Variants in SKAP1 observed in about 807,000 individuals in gnomAD.
SKAP1 encodes the protein src kinase associated phosphoprotein 1.
A neutral mutation model predicts 58.5 loss-of-function variants in SKAP1; 44 were observed. That is an observed-to-expected ratio of 0.75 (90% confidence interval 0.59 to 0.97). The LOEUF is 0.97. Ranked by LOEUF, SKAP1 falls within the 50% of genes least tolerant of loss-of-function variation. The probability of loss-of-function intolerance (pLI) is 0.00; values close to 1 mark genes in which losing one functional copy is unlikely to be tolerated. For missense variants in SKAP1, 390 were observed against 435.2 expected, an observed-to-expected ratio of 0.90 and a Z score of 0.92; for synonymous variants, 127 against 149.7, an observed-to-expected ratio of 0.85 and a Z score of 1.11.
intron 1 of SKAP1, among the ~76,000 whole-genome samples, chr17:48,399,971 A>C (rs1049831285): frequency 1.1e-4 from 17 of 152,206 alleles, no homozygotes; most frequent in African/African-American, 3.1e-4. Flanking sequence ...TTCTATTTGC[A>C]GATGACATCC....
At chr17:48,333,071 C>T (rs893419294) in intron 4 of SKAP1, among the ~76,000 whole-genome samples, 2 of 152,054 alleles carry the variant, frequency 1.3e-5, no homozygotes, top group Non-Finnish European at 2.9e-5. Flanking sequence ...CATTGCCAGA[C>T]CAGGACCTCT....
intron 4 of SKAP1, among the ~76,000 whole-genome samples, chr17:48,283,344 A>T (rs1193545315): frequency 2.0e-5 from 3 of 152,248 alleles, no homozygotes; most frequent in Non-Finnish European, 4.4e-5. Context: ...ATTTAGATGC[A>T]TATATCATTA....
chr17:48,318,009 A>T (rs1479375637), intron 4 of SKAP1, among the ~76,000 whole-genome samples: 2 of 152,240 alleles, frequency 1.3e-5, no homozygotes, highest in East Asian at 3.8e-4. Context: ...GTAATACTGT[A>T]AAAAGACTTA....
chr17:48,405,527 A>C (rs2144563547), intron 1 of SKAP1, among the ~76,000 whole-genome samples: 1 of 125,300 alleles, frequency 8.0e-6, no homozygotes, highest in East Asian at 2.3e-4. Context: ...TTTGAGACAG[A>C]GTTTCACTCT....
At chr17:48,379,084 A>G (rs561978211) in intron 2 of SKAP1, among the ~76,000 whole-genome samples, 4 of 152,256 alleles carry the variant, frequency 2.6e-5, no homozygotes, top group Non-Finnish European at 5.9e-5. Context: ...GATGAAAAAG[A>G]AGAGAGACAA....
At chr17:48,301,902 G>T (rs2066062591) in intron 4 of SKAP1, among the ~76,000 whole-genome samples, 1 of 152,056 alleles carries the variant, frequency 6.6e-6, no homozygotes, top group African/African-American at 2.4e-5. Context: ...TCTTTAATGA[G>T]CTTACAGAAA....
chr17:48,400,289 G>C (rs2067481918), intron 1 of SKAP1, among the ~76,000 whole-genome samples: 1 of 151,808 alleles, frequency 6.6e-6, no homozygotes, highest in African/African-American at 2.4e-5. Flanking sequence ...AGTAGAGACA[G>C]GGTTTCTCCT....
intron 4 of SKAP1, among the ~76,000 whole-genome samples, chr17:48,261,257 G>A (rs1217875797): frequency 3.3e-5 from 5 of 152,140 alleles, no homozygotes; most frequent in African/African-American, 1.2e-4. Flanking sequence ...ATGCTTTAAT[G>A]CTGTGGACAG....
intron 4 of SKAP1, chr17:48,193,674 A>G (rs1340018466): frequency 4.1e-5 from 40 of 984,716 alleles, no homozygotes; most frequent in Non-Finnish European, 4.7e-5. Context: ...GTGTCAGCGC[A>G]GGGTCCTACT....
At chr17:48,283,445 GACCTGGGGCAAGTTATTTA>G (rs2144043000) in intron 4 of SKAP1, among the ~76,000 whole-genome samples, 1 of 152,284 alleles carries the variant, frequency 6.6e-6, no homozygotes, top group African/African-American at 2.4e-5. Context: ...CTTGGTCTGT[GACCTGGGGCAAGTTATTTA>G]ACCCTTTCAG....
intron 4 of SKAP1, among the ~76,000 whole-genome samples, chr17:48,254,661 G>A (rs767821600): frequency 1.3e-5 from 2 of 149,000 alleles, no homozygotes; most frequent in African/African-American, 2.5e-5. Context: ...TTTACTGAAC[G>A]CCTACTAGAT....
intron 3 of SKAP1, among the ~76,000 whole-genome samples, chr17:48,353,995 G>T (rs538809351): frequency 3.9e-5 from 6 of 151,948 alleles, no homozygotes; most frequent in Non-Finnish European, 7.4e-5. Flanking sequence ...AAGACATGTT[G>T]TACAGGCTAC....
intron 4 of SKAP1, among the ~76,000 whole-genome samples, chr17:48,314,739 A>G (rs1261856687): frequency 6.6e-6 from 1 of 152,194 alleles, no homozygotes; most frequent in Non-Finnish European, 1.5e-5. Flanking sequence ...CACTTAGAAA[A>G]GTACAAAAAT....
At chr17:48,418,950 T>C (rs563548683) in intron 1 of SKAP1, among the ~76,000 whole-genome samples, 1 of 152,320 alleles carries the variant, frequency 6.6e-6, no homozygotes, top group South Asian at 2.1e-4. Context: ...GGGTGTATAT[T>C]GATAAGGTAT....
chr17:48,169,102 AC>A (rs1163509552), intron 10 of SKAP1, among the ~76,000 whole-genome samples: 1 of 64,690 alleles, frequency 1.5e-5, no homozygotes, highest in African/African-American at 4.8e-5. Flanking sequence ...AGCATGAGGA[AC>A]AAAAGGTTTT....
intron 6 of SKAP1, 121 bp from the exon 7 acceptor site, chr17:48,184,968 A>C: frequency 1.1e-6 from 1 of 912,746 alleles, no homozygotes; most frequent in Admixed American, 2.9e-5. Flanking sequence ...GAACCACAAT[A>C]GTCAAGGAAA....
chr17:48,272,880 T>C (rs1470518186), intron 4 of SKAP1, among the ~76,000 whole-genome samples: 1 of 152,214 alleles, frequency 6.6e-6, no homozygotes, highest in African/African-American at 2.4e-5. Flanking sequence ...TTTTCATAAA[T>C]TTCAATGTCA....
intron 11 of SKAP1, among the ~76,000 whole-genome samples, chr17:48,145,375 T>C (rs1460732246): frequency 1.3e-5 from 2 of 151,716 alleles, no homozygotes; most frequent in East Asian, 3.9e-4. Context: ...TATGGCAGAT[T>C]TCACACTGCC....
chr17:48,161,357 A>G (rs547715873), intron 11 of SKAP1, among the ~76,000 whole-genome samples: 7 of 152,234 alleles, frequency 4.6e-5, no homozygotes, highest in Non-Finnish European at 7.3e-5. Flanking sequence ...AGTTGTGCCT[A>G]TTTCAAAAAT....
Sources: gnomAD v4.1 joint callset for allele counts (sites outside exome capture counted in the v4.1 genomes callset) on GRCh38, gnomAD v4.1.1 for gene constraint, MANE v1.5 for transcripts, NCBI Gene and HGNC (gene_info 2026-07-23, HGNC 2026-07-21) for gene names.